The following PTCHD1 variants were observed in gnomAD, a reference collection of about 807,000 sequenced individuals.
PTCHD1 encodes the protein patched domain-containing protein 1.
A neutral mutation model predicts 34.6 loss-of-function variants in PTCHD1; 3 were observed. The observed-to-expected ratio is 0.09, with a 90% CI of 0.04 to 0.22. PTCHD1 has a LOEUF of 0.22. PTCHD1 is among the 10% of genes least tolerant of loss of function. The pLI, the probability that PTCHD1 is intolerant of heterozygous loss-of-function variation, is 1.00. For synonymous variants in PTCHD1, 305 were observed against 283.1 expected (o/e 1.08, Z -0.77); for missense variants, 504 against 685.5 (o/e 0.74, Z 2.96).
chrX:23,390,346 C>CA (rs1164988827), intron 2 of PTCHD1, among the ~76,000 whole-genome samples: 11 of 96,292 alleles, frequency 1.1e-4, no homozygotes, highest in East Asian at 6.5e-4. Flanking sequence ...AAAAAAAAAA[C>CA]AAAAAAAACA....
chrX:23,403,384 A>G lies in PTCHD1; in HGVS notation c.*9199A>G, dbSNP rs1469878592. ...AGTTCAGCTTGGTCAGTTTTGAGACAGATAAGCATAAAACCCTACTAGAAA... is the reference window on the plus strand; with the variant it reads ...AGTTCAGCTTGGTCAGTTTTGAGACGGATAAGCATAAAACCCTACTAGAAA... On this transcript the variant is annotated 3_prime_UTR_variant, in exon 3 of 3. Coordinates refer to ENST00000379361, the MANE Select transcript of PTCHD1 (RefSeq NM_173495.3). 8.9e-6 allele frequency: 1 copy of G among 112,271 alleles called. No individual in the cohort carries two copies. Among genetic ancestry groups the G allele is most frequent in the East Asian group, 2.8e-4 (1 of 3,596 alleles). The allele number at this position is 112,271 out of a possible 1,213,427, so 9.3% of individuals were successfully genotyped here. A position where few individuals can be genotyped will look rare whatever the true frequency, so the allele number is the denominator to read the frequency against.
chrX:23,351,134 G>T (rs1408435934), intron 1 of PTCHD1: 7 of 561,759 alleles, frequency 1.2e-5, no homozygotes, highest in Non-Finnish European at 2.0e-5. Context: ...TCTGGAGGAG[G>T]AAGCCAACAT....
chrX:23,400,658 G>A lies in PTCHD1; in HGVS notation c.*6473G>A, dbSNP rs1187809182. 8.9e-6 allele frequency: 1 copy of A among 111,878 alleles called. No homozygotes were observed. Among genetic ancestry groups the A allele is most frequent in the African/African-American group, 3.3e-5 (1 of 30,746 alleles). 9.2% of individuals were successfully genotyped at this position (111,878 alleles called of 1,213,427 possible). A position where few individuals can be genotyped will look rare whatever the true frequency, so the allele number is the denominator to read the frequency against. ...TTCAGGCACAACGGAAGCCGCCTCG[G>A]TTGGCCTATGGGAAGGGCTGGGTGA... On this transcript the variant is annotated 3_prime_UTR_variant, in exon 3 of 3. Coordinates refer to ENST00000379361, the MANE Select transcript of PTCHD1 (RefSeq NM_173495.3).
At chrX:23,375,656 C>T (rs1922397199) in intron 1 of PTCHD1, among the ~76,000 whole-genome samples, 1 of 111,606 alleles carries the variant, frequency 9.0e-6, no homozygotes, top group Admixed American at 9.5e-5. Context: ...TGCTAAGTGT[C>T]CTGCTGTGGA....
intron 1 of PTCHD1, among the ~76,000 whole-genome samples, chrX:23,374,969 C>T (rs1922371413): frequency 8.9e-6 from 1 of 111,778 alleles, no homozygotes; most frequent in South Asian, 3.7e-4. Context: ...GTAGTGGAAG[C>T]GACACTGGAA....
In PTCHD1 at chrX:23,383,711, G is replaced by A. The variant is rs60728792; in HGVS notation, c.1012+3460G>A. On this transcript the variant is annotated intron_variant, in intron 2 of 2. Transcript: ENST00000379361. The stretch of plus-strand genomic sequence containing the variant: ...TCTGCCAAAACCTCTGTCCAGATGA[G>A]TCATATCAGTTTATTTAGAGCTGAA... Among the ~76,000 whole-genome samples the A allele has an allele frequency of 3.7e-3, 419 of 111,825 alleles. 3 individuals are homozygous for A. Among genetic ancestry groups the A allele is most frequent in the African/African-American group, 0.013 (396 of 30,866 alleles).
Position 23,404,126 on chromosome X carries a change from C to G in PTCHD1, c.*9941C>G, listed in dbSNP as rs1923184036. On this transcript the variant is annotated 3_prime_UTR_variant, in exon 3 of 3. Transcript: ENST00000379361. Reference sequence around the variant, plus strand: ...CAAGTCACCTGGGAAATGGCTCATGCCAAATACATGGAGTCCTTAGTTGAC... The same window carrying G: ...CAAGTCACCTGGGAAATGGCTCATGGCAAATACATGGAGTCCTTAGTTGAC... The G allele has an allele frequency of 8.9e-6, 1 of 112,315 alleles. No individual in the cohort carries two copies. The highest frequency in any genetic ancestry group is 3.7e-4 in the South Asian group (1 of 2,707). 9.3% of individuals were successfully genotyped at this position (112,315 alleles called of 1,213,427 possible). A position where few individuals can be genotyped will look rare whatever the true frequency, so the allele number is the denominator to read the frequency against.
At chrX:23,342,964 AAG>A (rs1412495666) in intron 1 of PTCHD1, among the ~76,000 whole-genome samples, 3 of 112,154 alleles carry the variant, frequency 2.7e-5, no homozygotes, top group Non-Finnish European at 5.6e-5. Context: ...CGTTTCTCTT[AAG>A]AGAGGTAATG....
intron 1 of PTCHD1, among the ~76,000 whole-genome samples, chrX:23,354,547 G>C (rs112122713): frequency 0.017 from 1,708 of 102,884 alleles, 48 homozygotes; most frequent in African/African-American, 0.057. Context: ...AGCTAGGCTA[G>C]AATGGCTTGG....
At position 23,401,253 on chromosome X, in the gene PTCHD1, A is replaced by G. The variant is rs1299796712; in HGVS notation, c.*7068A>G. 1 of 112,357 alleles carries G rather than the reference A, an allele frequency of 8.9e-6. No homozygotes were observed. Among genetic ancestry groups the G allele is most frequent in the Non-Finnish European group, 1.9e-5 (1 of 53,261 alleles). The allele number at this position is 112,357 out of a possible 1,213,427, so 9.3% of individuals were successfully genotyped here. Reference sequence around the variant, plus strand: ...AATGGCAAAGACCCAGCCCATTTCCATTACTCATTCCAGGCTCATGCTCAG... The same window carrying G: ...AATGGCAAAGACCCAGCCCATTTCCGTTACTCATTCCAGGCTCATGCTCAG... On this transcript the variant is annotated 3_prime_UTR_variant, in exon 3 of 3. Coordinates refer to ENST00000379361, the MANE Select transcript of PTCHD1 (RefSeq NM_173495.3).
chrX:23,356,789 T>A (rs1272138454), intron 1 of PTCHD1, among the ~76,000 whole-genome samples: 2 of 111,824 alleles, frequency 1.8e-5, no homozygotes, highest in Non-Finnish European at 3.8e-5. Context: ...ATTAAAACCA[T>A]CACGCACTTC....
rs780677720 is a variant in PTCHD1 at position 23,387,027 on chromosome X, C to T, written c.1013-5504C>T. Among the ~76,000 whole-genome samples the T allele has an allele frequency of 1.1e-4, 12 of 111,364 alleles. No individual in the cohort carries two copies. In the South Asian group the frequency reaches 4.6e-3, roughly 43 times the overall value. On this transcript the variant is annotated intron_variant, in intron 2 of 2. Transcript: ENST00000379361. ...GTGGCTATGTATACTGGGACAGGCGCGAAAATCTGGGACTGAAGAAAAATC... is the reference window on the plus strand; with the variant it reads ...GTGGCTATGTATACTGGGACAGGCGTGAAAATCTGGGACTGAAGAAAAATC...
Position 23,362,216 on chromosome X carries a change from G to A in PTCHD1, c.352-17375G>A, listed in dbSNP as rs180965256. Among the ~76,000 whole-genome samples the A allele has an allele frequency of 1.7e-3, 195 of 112,172 alleles. 3 individuals are homozygous for A. Among genetic ancestry groups the A allele is most frequent in the African/African-American group, 6.1e-3 (188 of 30,804 alleles). On this transcript the variant is annotated intron_variant, in intron 1 of 2. Coordinates refer to ENST00000379361, the MANE Select transcript of PTCHD1 (RefSeq NM_173495.3). ...TGTCCTGCCTTTCTAGGTTAGGGAA[G>A]TTCTCCTGGATAATATCCTGAAGAG... is the stretch of plus-strand genomic sequence containing the variant.
rs983803997 is a variant in PTCHD1 at position 23,394,413 on chromosome X, C to G, written c.*228C>G. 2 of 236,828 alleles carry G rather than the reference C, an allele frequency of 8.4e-6. No homozygotes were observed. Among genetic ancestry groups the G allele is most frequent in the Admixed American group, 7.2e-5 (1 of 13,949 alleles). 19.5% of individuals were successfully genotyped at this position (236,828 alleles called of 1,213,427 possible). On this transcript the variant is annotated 3_prime_UTR_variant, in exon 3 of 3. Transcript: ENST00000379361. ...ATGAGAATTCACACACACATAGACA[C>G]ACACACACACACACACACACACACA...
At chrX:23,388,427 A>C (rs1184013945) in intron 2 of PTCHD1, among the ~76,000 whole-genome samples, 1 of 112,495 alleles carries the variant, frequency 8.9e-6, no homozygotes, top group African/African-American at 3.2e-5. Context: ...AGTAGGAAAC[A>C]ACAGTCAGAC....
intron 1 of PTCHD1, among the ~76,000 whole-genome samples, chrX:23,369,518 T>C (rs1922225376): frequency 9.0e-6 from 1 of 111,545 alleles, no homozygotes. Context: ...TTTGTGGCCA[T>C]GGACAAGTTA....
intron 2 of PTCHD1, among the ~76,000 whole-genome samples, chrX:23,388,149 T>C (rs1182848439): frequency 9.0e-6 from 1 of 111,370 alleles, no homozygotes; most frequent in Non-Finnish European, 1.9e-5. Flanking sequence ...ACAGGGTCCC[T>C]ACTGACCAAA....
rs750739263 is a variant in PTCHD1, at chrX:23,393,513, G to A, written c.1995G>A (p.Leu665=). The A allele has an allele frequency of 8.3e-7, 1 of 1,211,448 alleles. No homozygotes were observed. Among genetic ancestry groups the A allele is most frequent in the East Asian group, 3.0e-5 (1 of 33,829 alleles). The change falls in exon 3 of 3, where the codon TTG becomes TTA. Residue 665 remains leucine, a synonymous_variant. Transcript: ENST00000379361. The part of the protein sequence containing the change: ...ETNREELYDL[L]ETLRRLSVTS... ...ACAGAGAAGAACTCTATGATCTCTT[G>A]GAAACCCTGAGGAGACTTTCTGTCA...
At chrX:23,392,059 T>C (rs866061679) in intron 2 of PTCHD1, among the ~76,000 whole-genome samples, 5 of 70,861 alleles carry the variant, frequency 7.1e-5, no homozygotes, top group African/African-American at 1.7e-4. Flanking sequence ...TTCTTTCTTT[T>C]TTCTTTCTTT....
Sources: allele counts gnomAD v4.1 joint callset (sites outside exome capture counted in the v4.1 genomes callset), GRCh38; gene constraint gnomAD v4.1.1; transcripts MANE v1.5; gene names NCBI Gene and HGNC (gene_info 2026-07-23, HGNC 2026-07-21).